TMTC2: variants seen among roughly 807,000 people sequenced by gnomAD.
The protein encoded by TMTC2 is protein O-mannosyl-transferase TMTC2.
TMTC2 carries 43 observed loss-of-function variants against 82.4 expected under a neutral mutation model. That is an observed-to-expected ratio of 0.52 (90% CI 0.41 to 0.67). The LOEUF (loss-of-function observed/expected upper bound fraction) is 0.67. Ranked by LOEUF, TMTC2 falls within the 30% of genes least tolerant of loss-of-function variation. The pLI is 0.00. For synonymous variants in TMTC2, 408 were observed against 381.9 expected (o/e 1.07, Z -0.80); for missense variants, 919 against 1,012.4 (o/e 0.91, Z 1.25).
rs568413183 is a variant in TMTC2, at chr12:83,105,972, T to G, written c.2332-26238T>G. 3.9e-5 allele frequency among the ~76,000 whole-genome samples: 6 copies of G among 152,194 alleles called. No homozygotes were observed. The South Asian group carries it at 1.2e-3, about 32-fold the overall frequency. On this transcript the variant is annotated intron_variant, in intron 11 of 11. Transcript: ENST00000321196. ...AAATTATCAGAAAAAGAATATAGAA[T>G]AGCGTTGTATGAAATATTTAAGAAA...
intron 1 of TMTC2, among the ~76,000 whole-genome samples, chr12:82,817,335 G>C (rs1012547288): frequency 2.0e-5 from 3 of 151,970 alleles, no homozygotes; most frequent in Non-Finnish European, 4.4e-5. Flanking sequence ...TTTTAACTTA[G>C]TATCTAAGAT....
At chr12:82,993,448 C>A (rs1167319765) in intron 8 of TMTC2, among the ~76,000 whole-genome samples, 1 of 151,746 alleles carries the variant, frequency 6.6e-6, no homozygotes, top group Non-Finnish European at 1.5e-5. Flanking sequence ...AGACAAACTT[C>A]ATAGCCTAGA....
chr12:82,750,374 T>G (rs550909894), intron 1 of TMTC2, among the ~76,000 whole-genome samples: 40 of 152,212 alleles, frequency 2.6e-4, no homozygotes, highest in African/African-American at 9.4e-4. Flanking sequence ...TGTCTTTTCC[T>G]CATGTTTTTG....
intron 11 of TMTC2, among the ~76,000 whole-genome samples, chr12:83,128,773 G>A (rs769076309): frequency 2.2e-4 from 34 of 152,152 alleles, no homozygotes; most frequent in Non-Finnish European, 2.8e-4. Flanking sequence ...AGAACTGAAG[G>A]AATTCAGTCC....
intron 4 of TMTC2, among the ~76,000 whole-genome samples, chr12:82,931,524 A>G (rs546996214): frequency 3.3e-5 from 5 of 152,358 alleles, no homozygotes; most frequent in Admixed American, 2.0e-4. Flanking sequence ...ATTTATGAGA[A>G]CATTTTGTTT....
At chr12:82,894,072 C>T (rs1873533522) in intron 2 of TMTC2, among the ~76,000 whole-genome samples, 1 of 152,162 alleles carries the variant, frequency 6.6e-6, no homozygotes, top group African/African-American at 2.4e-5. Flanking sequence ...CGTACTGTTA[C>T]TATTTCCTGA....
At chr12:82,874,070 T>G (rs1872351682) in intron 2 of TMTC2, among the ~76,000 whole-genome samples, 1 of 152,250 alleles carries the variant, frequency 6.6e-6, no homozygotes, top group African/African-American at 2.4e-5. Context: ...TAAAAGTTGT[T>G]TGAACCTGCA....
intron 9 of TMTC2, among the ~76,000 whole-genome samples, chr12:83,042,238 T>C (rs1269073692): frequency 2.0e-5 from 3 of 152,200 alleles, no homozygotes; most frequent in Non-Finnish European, 4.4e-5. Context: ...TCATTACTGC[T>C]CTAACTCAGT....
At chr12:82,815,401 C>T (rs1024877536) in intron 1 of TMTC2, among the ~76,000 whole-genome samples, 1 of 151,798 alleles carries the variant, frequency 6.6e-6, no homozygotes, top group African/African-American at 2.4e-5. Context: ...AGCTCTGCCT[C>T]CCGAGTTGAC....
intron 11 of TMTC2, among the ~76,000 whole-genome samples, chr12:83,103,451 G>A (rs189064106): frequency 1.3e-3 from 197 of 152,234 alleles, no homozygotes; most frequent in Admixed American, 2.4e-3. Flanking sequence ...GCCTCAAGGC[G>A]CTTTTTCGGA....
chr12:82,919,782 A>G (rs567750364), intron 3 of TMTC2, among the ~76,000 whole-genome samples: 10 of 152,366 alleles, frequency 6.6e-5, no homozygotes, highest in Admixed American at 4.6e-4. Flanking sequence ...CTTTGTTTCC[A>G]TGTCCCATAT....
chr12:82,811,611 T>C (rs2137049893), intron 1 of TMTC2, among the ~76,000 whole-genome samples: 1 of 152,104 alleles, frequency 6.6e-6, no homozygotes, highest in Non-Finnish European at 1.5e-5. Context: ...TGAAGTTTCA[T>C]ATATTTGCAA....
In TMTC2 at chr12:82,809,006, T is replaced by G. The variant is rs57939969; in HGVS notation, c.84-48004T>G. 2.7e-3 allele frequency among the ~76,000 whole-genome samples: 404 copies of G among 150,562 alleles called. 1 individual carries two copies. The highest frequency in any genetic ancestry group is 9.6e-3 in the African/African-American group (392 of 41,042). On this transcript the variant is annotated intron_variant, in intron 1 of 11. Transcript: ENST00000321196. ...GCTTCTAAATCCATTGTTTGATTTT[T>G]TTTTCTAGGAAAGAAGCTATCTTAA...
intron 10 of TMTC2, among the ~76,000 whole-genome samples, chr12:83,059,387 G>A (rs138362114): frequency 1.0e-3 from 155 of 151,852 alleles, no homozygotes; most frequent in Middle Eastern, 6.8e-3. Flanking sequence ...ATAAAATGAG[G>A]ATATAAATGA....
chr12:82,899,915 C>T (rs919075627), intron 3 of TMTC2, among the ~76,000 whole-genome samples: 11 of 134,738 alleles, frequency 8.2e-5, no homozygotes, highest in African/African-American at 2.8e-4. Flanking sequence ...TATACATATC[C>T]GGAATATAGA....
Position 82,830,399 on chromosome 12 carries a change from T to A in TMTC2, c.84-26611T>A, listed in dbSNP as rs557497570. 3.9e-5 allele frequency among the ~76,000 whole-genome samples: 6 copies of A among 152,226 alleles called. No homozygotes were observed. In the South Asian group the frequency reaches 1.2e-3, roughly 32 times the overall value. On this transcript the variant is annotated intron_variant, in intron 1 of 11. Transcript: ENST00000321196. ...TGTTTTAGGGCCCCATTGGTGCACA[T>A]TGTATCTTGCTGTTTAGTGTGAGAA... is the stretch of plus-strand genomic sequence containing the variant.
intron 3 of TMTC2, among the ~76,000 whole-genome samples, chr12:82,904,982 CTTTTTTT>C (rs370846723): frequency 2.2e-5 from 3 of 133,900 alleles, no homozygotes; most frequent in African/African-American, 5.4e-5. Context: ...TTTTTTGTTT[CTTTTTTT>C]TTTTTTTTTC....
At chr12:83,046,806 C>T (rs1454261178) in intron 9 of TMTC2, among the ~76,000 whole-genome samples, 1 of 152,154 alleles carries the variant, frequency 6.6e-6, no homozygotes, top group Non-Finnish European at 1.5e-5. Flanking sequence ...GGACCGAGAT[C>T]CACATTCTGC....
intron 1 of TMTC2, among the ~76,000 whole-genome samples, chr12:82,715,452 G>C (rs980176711): frequency 3.3e-5 from 5 of 152,206 alleles, no homozygotes; most frequent in Non-Finnish European, 5.9e-5. Flanking sequence ...ATTTTTAGGG[G>C]ATTTCGGTGG....
Sources: gnomAD v4.1 joint callset for allele counts (sites outside exome capture counted in the v4.1 genomes callset) on GRCh38, gnomAD v4.1.1 for gene constraint, MANE v1.5 for transcripts, NCBI Gene and HGNC (gene_info 2026-07-23, HGNC 2026-07-21) for gene names.